Variants in XYLT1 observed in about 807,000 individuals in gnomAD.
XYLT1 encodes xylosyltransferase 1.
XYLT1 carries 36 observed loss-of-function variants against 91.3 expected under a neutral mutation model. That is an observed-to-expected ratio of 0.39 (90% CI 0.30 to 0.52). XYLT1 has a LOEUF of 0.52. Ranked by LOEUF, XYLT1 falls within the 20% of genes least tolerant of loss-of-function variation. XYLT1 has a pLI of 0.68. For synonymous variants in XYLT1, 588 were observed against 532.0 expected, an observed-to-expected ratio of 1.11 and a Z score of -1.45; for missense variants, 1,242 against 1,284.5, an observed-to-expected ratio of 0.97 and a Z score of 0.51.
chr16:17,291,415 G>C (rs2034224387), intron 2 of XYLT1, among the ~76,000 whole-genome samples: 1 of 152,208 alleles, frequency 6.6e-6, no homozygotes, highest in Non-Finnish European at 1.5e-5. Context: ...TCGAAACTGA[G>C]GCCCAGGGGT....
At chr16:17,341,341 G>A (rs1266317959) in intron 2 of XYLT1, among the ~76,000 whole-genome samples, 4 of 152,206 alleles carry the variant, frequency 2.6e-5, no homozygotes, top group Non-Finnish European at 5.9e-5. Context: ...TGTGACAGGT[G>A]CTGAAAACAG....
rs531706178 is a variant in XYLT1 at position 17,323,369 on chromosome 16, C to A, written c.402+34643G>T. Among the ~76,000 whole-genome samples, 46 of 152,314 alleles carry A rather than the reference C, an allele frequency of 3.0e-4. 1 individual carries two copies. Among genetic ancestry groups the A allele is most frequent in the Non-Finnish European group, 2.4e-4 (16 of 68,032 alleles). ...GCGGTTTTTGGCATCTTCGCGCAGACGGCACCATTGGGAATTCCTAACTCG... is the reference window on the plus strand; with the variant it reads ...GCGGTTTTTGGCATCTTCGCGCAGAAGGCACCATTGGGAATTCCTAACTCG... On this transcript the variant is annotated intron_variant, in intron 2 of 11. Coordinates refer to ENST00000261381, the MANE Select transcript of XYLT1 (RefSeq NM_022166.4).
At position 17,312,347 on chromosome 16, in the gene XYLT1, G is replaced by C. The variant is rs955329159; in HGVS notation, c.402+45665C>G. ...TCCCTGCTGGCATAGTACTGTGAAG[G>C]ACTCAATGAAACATCCCTGAAATCC... On this transcript the variant is annotated intron_variant, in intron 2 of 11. Coordinates refer to ENST00000261381, the MANE Select transcript of XYLT1 (RefSeq NM_022166.4). The surrounding 1 kb of genome is among the most constrained non-coding windows in gnomAD (Gnocchi z 4.4). Among the ~76,000 whole-genome samples the C allele has an allele frequency of 6.6e-6, 1 of 152,136 alleles. No homozygotes were observed. Among genetic ancestry groups the C allele is most frequent in the Non-Finnish European group, 1.5e-5 (1 of 68,026 alleles).
Position 17,259,291 on chromosome 16 carries a change from T to C in XYLT1, c.610A>G (p.Lys204Glu), listed in dbSNP as rs2033685128. Reference protein sequence around the residue: ...KRKLEQQEKGKGHTFPGKGPG... With the variant: ...KRKLEQQEKGEGHTFPGKGPG... ...CCTTTCCCAGGGAATGTATGTCCTT[T>C]TCCTTTCTCCTGCTGTTCCAGCTTC... Residue 204 changes from lysine (K) to glutamate (E), a missense_variant, in exon 3 of 12, where the codon AAA becomes GAA. Physicochemically the swap from Lys to Glu is moderately conservative, Grantham distance 56. Transcript: ENST00000261381. The C allele has an allele frequency of 1.2e-6, 2 of 1,614,044 alleles. No individual in the cohort carries two copies. Among genetic ancestry groups the C allele is most frequent in the Admixed American group, 1.7e-5 (1 of 59,998 alleles).
chr16:17,159,766 A>G (rs1358768691), intron 5 of XYLT1, among the ~76,000 whole-genome samples: 2 of 152,216 alleles, frequency 1.3e-5, no homozygotes, highest in African/African-American at 2.4e-5. Context: ...ATCCCCATCA[A>G]TCTCAGCACT....
At chr16:17,342,375 C>T (rs1015126042) in intron 2 of XYLT1, among the ~76,000 whole-genome samples, 2 of 152,148 alleles carry the variant, frequency 1.3e-5, no homozygotes, top group African/African-American at 4.8e-5. Flanking sequence ...GCCCACAGTC[C>T]TCCCCTGCTT....
At chr16:17,137,027 C>T (rs2030753800) in intron 8 of XYLT1, among the ~76,000 whole-genome samples, 1 of 152,142 alleles carries the variant, frequency 6.6e-6, no homozygotes, top group African/African-American at 2.4e-5. Flanking sequence ...CTGCAACCCT[C>T]TTTCGGCTCA....
chr16:17,189,265 C>T (rs898383077), intron 5 of XYLT1, among the ~76,000 whole-genome samples: 3 of 152,176 alleles, frequency 2.0e-5, no homozygotes, highest in African/African-American at 7.2e-5. Context: ...GAATCTTCCC[C>T]GGACAATGAG....
intron 2 of XYLT1, among the ~76,000 whole-genome samples, chr16:17,354,391 C>T (rs538350084): frequency 2.0e-5 from 3 of 152,222 alleles, no homozygotes; most frequent in Non-Finnish European, 4.4e-5. Flanking sequence ...TCTCCCCCAA[C>T]TCAGAACAGC....
chr16:17,443,360 G>C (rs147828792), intron 1 of XYLT1, among the ~76,000 whole-genome samples: 36 of 152,260 alleles, frequency 2.4e-4, no homozygotes, highest in Non-Finnish European at 4.7e-4. Context: ...TCGAGGGAGG[G>C]ACCTGGTGGG....
intron 1 of XYLT1, among the ~76,000 whole-genome samples, chr16:17,434,773 T>G (rs2036433697): frequency 1.3e-5 from 2 of 151,838 alleles, no homozygotes; most frequent in Admixed American, 1.3e-4. Flanking sequence ...GAGGCTGATG[T>G]GGGAGGGTCT....
chr16:17,254,579 G>A (rs2033598838), intron 3 of XYLT1, among the ~76,000 whole-genome samples: 2 of 152,030 alleles, frequency 1.3e-5, no homozygotes, highest in Non-Finnish European at 2.9e-5. Context: ...ATTTTCAGTA[G>A]AGACAGGGTT....
intron 5 of XYLT1, among the ~76,000 whole-genome samples, chr16:17,188,888 T>C (rs2032247339): frequency 6.6e-6 from 1 of 152,206 alleles, no homozygotes; most frequent in Non-Finnish European, 1.5e-5. Flanking sequence ...ACACAGCTAG[T>C]AAATAAAGAA....
rs764969137 is a variant in XYLT1, at chr16:17,117,928, G to T, written c.2275C>A (p.Leu759Ile). ...KERLFRNFGG[L>I]LGPMDEPVGM... ...ACCGGCTCATCCATGGGCCCCAGAA[G>T]ACCCCCAAAGTTGCGGAATAGCCTC... Residue 759 changes from leucine to isoleucine, a missense_variant, in exon 11 of 12, where the codon CTT (leucine) becomes ATT (isoleucine). Transcript: ENST00000261381. The T allele has an allele frequency of 2.5e-6, 4 of 1,614,004 alleles. No homozygotes were observed. In the Admixed American group the frequency reaches 5.0e-5, roughly 20 times the overall value.
In XYLT1 at chr16:17,469,998, A is replaced by T. The variant is rs573420032; in HGVS notation, c.363+436T>A. Among the ~76,000 whole-genome samples, 175 of 152,274 alleles carry T rather than the reference A, an allele frequency of 1.1e-3. 1 individual carries two copies. Among genetic ancestry groups the T allele is most frequent in the African/African-American group, 4.0e-3 (165 of 41,566 alleles). On this transcript the variant is annotated intron_variant, in intron 1 of 11. Transcript: ENST00000261381. The stretch of plus-strand genomic sequence containing the variant: ...ACAGAGGGCTCAACTGTCTGCACCC[A>T]GCTCGGCAAAAACCAGAGAGATGCT...
chr16:17,319,260 T>C (rs117315383), intron 2 of XYLT1, among the ~76,000 whole-genome samples: 441 of 152,322 alleles, frequency 2.9e-3, no homozygotes, highest in Non-Finnish European at 5.0e-3. Context: ...CTGGAACTTA[T>C]AATAAATGAT....
intron 9 of XYLT1, among the ~76,000 whole-genome samples, chr16:17,132,105 C>CTAGGAAGCCTGCAACTGTAATTATT (rs1160518645): frequency 6.6e-6 from 1 of 152,158 alleles, no homozygotes; most frequent in Non-Finnish European, 1.5e-5. Flanking sequence ...CTTATACATT[C>CTAGGAAGCCTGCAACTGTAATTATT]TAGGAAGCCT....
chr16:17,302,898 G>C (rs548104519), intron 2 of XYLT1, among the ~76,000 whole-genome samples: 1 of 152,066 alleles, frequency 6.6e-6, no homozygotes, highest in South Asian at 2.1e-4. Flanking sequence ...GAATGGGTGA[G>C]GGGGAGAGAA....
intron 3 of XYLT1, among the ~76,000 whole-genome samples, chr16:17,232,429 G>GTGTGTGTGTATATATATATATA (rs1194509016): frequency 8.2e-6 from 1 of 121,734 alleles, no homozygotes; most frequent in Non-Finnish European, 1.7e-5. Context: ...GTGTGTGTGT[G>GTGTGTGTGTATATATATATATA]TATATATATA....
Sources: allele counts gnomAD v4.1 joint callset (sites outside exome capture counted in the v4.1 genomes callset), GRCh38; gene constraint gnomAD v4.1.1; non-coding constraint Gnocchi (gnomAD v3.1); transcripts MANE v1.5; gene names NCBI Gene and HGNC (gene_info 2026-07-23, HGNC 2026-07-21).